Variants in TMEM163 observed in about 807,000 individuals in gnomAD.
TMEM163 encodes the protein transmembrane protein 163.
TMEM163 carries 17 observed loss-of-function variants against 29.3 expected under a neutral mutation model. That is an observed-to-expected ratio of 0.58 (90% confidence interval 0.40 to 0.87). TMEM163 has a LOEUF of 0.87. Ranked by LOEUF, TMEM163 falls within the 40% of genes least tolerant of loss-of-function variation. TMEM163 has a pLI of 0.00. For missense variants in TMEM163, 303 were observed against 381.5 expected (o/e 0.79, Z 1.71); for synonymous variants, 157 against 160.6 (o/e 0.98, Z 0.17).
chr2:134,540,400 AG>A (rs1386215372), intron 4 of TMEM163, among the ~76,000 whole-genome samples: 1 of 152,248 alleles, frequency 6.6e-6, no homozygotes, highest in Non-Finnish European at 1.5e-5. Context: ...CCCACCTTGC[AG>A]TTAGAACCAA....
chr2:134,672,180 G>A (rs1684010094), intron 2 of TMEM163, among the ~76,000 whole-genome samples: 3 of 152,204 alleles, frequency 2.0e-5, no homozygotes, highest in Admixed American at 2.0e-4. Context: ...CCATTTTAAG[G>A]GTTTAGCTTT....
At chr2:134,493,511 T>C (rs888335477) in intron 5 of TMEM163, among the ~76,000 whole-genome samples, 4 of 151,742 alleles carry the variant, frequency 2.6e-5, no homozygotes, top group Admixed American at 1.3e-4. Context: ...GTAGCTGAGA[T>C]TACAGGCACC....
intron 2 of TMEM163, among the ~76,000 whole-genome samples, chr2:134,580,836 C>T (rs1378271353): frequency 6.6e-6 from 1 of 152,170 alleles, no homozygotes; most frequent in Non-Finnish European, 1.5e-5. Flanking sequence ...TCGCTTGAAC[C>T]CCAGAGGTGG....
At chr2:134,508,435 C>T (rs1220253160) in intron 4 of TMEM163, among the ~76,000 whole-genome samples, 1 of 152,196 alleles carries the variant, frequency 6.6e-6, no homozygotes, top group African/African-American at 2.4e-5. Flanking sequence ...GCATATAACA[C>T]GGTACTTATG....
rs145562066 is a variant in TMEM163, at chr2:134,516,899, C to T, written c.459-13902G>A. Among the ~76,000 whole-genome samples, 549 of 151,610 alleles carry T rather than the reference C, an allele frequency of 3.6e-3. 4 individuals carry two copies. The highest frequency in any genetic ancestry group is 3.3e-3 in the Non-Finnish European group (221 of 67,906). On this transcript the variant is annotated intron_variant, in intron 4 of 7. Transcript: ENST00000281924. ...ATGCTACTCTAGACTAGAGATTTAC[C>T]AAGCACCCCAAATTAGAGAACAGAG...
chr2:134,681,383 C>A (rs932085654), intron 2 of TMEM163, among the ~76,000 whole-genome samples: 2 of 152,230 alleles, frequency 1.3e-5, no homozygotes, highest in Admixed American at 1.3e-4. Flanking sequence ...GCTCTTCCCA[C>A]ACAAACCGCA....
intron 2 of TMEM163, among the ~76,000 whole-genome samples, chr2:134,583,783 GC>G (rs1278036587): frequency 6.6e-6 from 1 of 151,848 alleles, no homozygotes. Context: ...CCTATGAGAT[GC>G]CCCCTGCTCT....
At chr2:134,681,147 C>T (rs1381009552) in intron 2 of TMEM163, among the ~76,000 whole-genome samples, 4 of 152,198 alleles carry the variant, frequency 2.6e-5, no homozygotes, top group African/African-American at 4.8e-5. Context: ...ACTGCCGGCT[C>T]ATAGAAGCCT....
rs183298690 is a variant in TMEM163, at chr2:134,603,051, G to A, written c.323-50960C>T. On this transcript the variant is annotated intron_variant, in intron 2 of 7. Transcript: ENST00000281924. Reference sequence around the variant, plus strand: ...ACTGATCTCACCTCCAAAAGATGCTGCCCCATGTGGATCAGAAATAACATC... The same window carrying A: ...ACTGATCTCACCTCCAAAAGATGCTACCCCATGTGGATCAGAAATAACATC... Among the ~76,000 whole-genome samples the A allele has an allele frequency of 1.3e-3, 194 of 152,214 alleles. 2 individuals are homozygous for A. Among genetic ancestry groups the A allele is most frequent in the African/African-American group, 4.1e-3 (172 of 41,548 alleles).
chr2:134,490,661 C>T (rs1258776209), intron 5 of TMEM163, among the ~76,000 whole-genome samples: 1 of 152,144 alleles, frequency 6.6e-6, no homozygotes, highest in African/African-American at 2.4e-5. Context: ...GTTTCCCTAA[C>T]AACTTTGGTA....
At chr2:134,610,519 G>A (rs1208443062) in intron 2 of TMEM163, among the ~76,000 whole-genome samples, 1 of 152,230 alleles carries the variant, frequency 6.6e-6, no homozygotes, top group Admixed American at 6.5e-5. Context: ...TGCTGCTGCT[G>A]ATGATCTGGG....
chr2:134,481,381 G>GA (rs1363888872), intron 5 of TMEM163, among the ~76,000 whole-genome samples: 1 of 151,458 alleles, frequency 6.6e-6, no homozygotes, highest in African/African-American at 2.4e-5. Context: ...GAATCATGGG[G>GA]GGGGGGGGAG....
intron 2 of TMEM163, among the ~76,000 whole-genome samples, chr2:134,678,717 T>G (rs1684170962): frequency 6.6e-6 from 1 of 152,176 alleles, no homozygotes; most frequent in Non-Finnish European, 1.5e-5. Flanking sequence ...CCAAAAGCAA[T>G]AGCAAGCCCT....
intron 2 of TMEM163, among the ~76,000 whole-genome samples, chr2:134,597,899 CG>C (rs1479910402): frequency 4.6e-5 from 7 of 152,140 alleles, no homozygotes; most frequent in Admixed American, 2.6e-4. Flanking sequence ...AGTTTATTTG[CG>C]TTGAGGTATT....
chr2:134,562,768 CT>C (rs1354766445), intron 2 of TMEM163, among the ~76,000 whole-genome samples: 1 of 152,146 alleles, frequency 6.6e-6, no homozygotes, highest in Admixed American at 6.5e-5. Context: ...CTTTTGTCCT[CT>C]CTCCTCACCA....
intron 4 of TMEM163, among the ~76,000 whole-genome samples, chr2:134,508,883 C>T (rs1323631000): frequency 5.3e-5 from 8 of 152,194 alleles, no homozygotes. Flanking sequence ...CAGACCACAA[C>T]TTTCCACACA....
At chr2:134,538,048 C>T (rs520449) in intron 4 of TMEM163, among the ~76,000 whole-genome samples, 112,129 of 152,204 alleles carry the variant, frequency 0.74, 43,471 homozygotes, top group East Asian at 0.99. Context: ...GAAAACGTTT[C>T]GGCAATTCCT....
intron 5 of TMEM163, among the ~76,000 whole-genome samples, chr2:134,470,915 G>A (rs1203767117): frequency 6.6e-6 from 1 of 152,198 alleles, no homozygotes; most frequent in African/African-American, 2.4e-5. Context: ...CTCATGCCTG[G>A]AATCCCAGTG....
chr2:134,637,198 G>A (rs1683123330), intron 2 of TMEM163, among the ~76,000 whole-genome samples: 1 of 115,154 alleles, frequency 8.7e-6, no homozygotes, highest in Non-Finnish European at 2.2e-5. Context: ...TCCCCACCAG[G>A]GCCACTGTCT....
Sources: allele counts gnomAD v4.1 joint callset (sites outside exome capture counted in the v4.1 genomes callset), GRCh38; gene constraint gnomAD v4.1.1; transcripts MANE v1.5; gene names NCBI Gene and HGNC (gene_info 2026-07-23, HGNC 2026-07-21).